Variants in SIPA1L1 observed in about 807,000 individuals in gnomAD.
SIPA1L1 encodes signal induced proliferation associated 1 like 1, also known as signal-induced proliferation-associated 1-like protein 1.
In SIPA1L1, 26 loss-of-function variants were observed where a neutral mutation model predicts 162.7. The ratio of observed to expected loss-of-function variants is 0.16; its 90% CI spans 0.12 to 0.22. SIPA1L1 has a LOEUF of 0.22. Ranked by LOEUF, SIPA1L1 falls within the 10% of genes least tolerant of loss-of-function variation. SIPA1L1 has a pLI of 1.00. For missense variants in SIPA1L1, 1,874 were observed against 2,241.0 expected (o/e 0.84, Z 3.31); for synonymous variants, 829 against 837.4 (o/e 0.99, Z 0.17).
chr14:71,391,549 A>G (rs2040759918), intron 2 of SIPA1L1, among the ~76,000 whole-genome samples: 1 of 152,242 alleles, frequency 6.6e-6, no homozygotes, highest in Admixed American at 6.5e-5. Flanking sequence ...AACAAGAATT[A>G]GGTGTTTTAT....
At chr14:71,468,357 A>G (rs2047188610) in intron 2 of SIPA1L1, among the ~76,000 whole-genome samples, 2 of 152,216 alleles carry the variant, frequency 1.3e-5, no homozygotes, top group Non-Finnish European at 1.5e-5. Flanking sequence ...ACAGTTCTGC[A>G]TGCTGTACAA....
intron 4 of SIPA1L1, among the ~76,000 whole-genome samples, chr14:71,565,089 A>G (rs952930034): frequency 2.0e-5 from 3 of 152,058 alleles, no homozygotes; most frequent in African/African-American, 7.2e-5. Context: ...GCTCTTTTCT[A>G]TTTGTTAATA....
At chr14:71,487,806 A>G (rs1433000788) in intron 2 of SIPA1L1, among the ~76,000 whole-genome samples, 2 of 152,228 alleles carry the variant, frequency 1.3e-5, no homozygotes, top group Non-Finnish European at 2.9e-5. Context: ...ATTATTTGTC[A>G]TTGGAAGACT....
At chr14:71,639,679 A>G (rs2041508954) in intron 7 of SIPA1L1, among the ~76,000 whole-genome samples, 1 of 152,238 alleles carries the variant, frequency 6.6e-6, no homozygotes, top group Admixed American at 6.5e-5. Flanking sequence ...AAGACATGTT[A>G]TATAGCTCCA....
chr14:71,557,028 C>A (rs920268494), intron 4 of SIPA1L1, among the ~76,000 whole-genome samples: 1 of 152,154 alleles, frequency 6.6e-6, no homozygotes, highest in Non-Finnish European at 1.5e-5. Context: ...CTAAAGTACC[C>A]CAGCATTATA....
intron 5 of SIPA1L1, among the ~76,000 whole-genome samples, chr14:71,599,183 A>G (rs904369832): frequency 2.4e-4 from 25 of 103,392 alleles, no homozygotes; most frequent in South Asian, 6.1e-4. Flanking sequence ...GGAGTTTTGC[A>G]CTTGTCTCCC....
At chr14:71,357,786 G>C (rs2037417385) in intron 2 of SIPA1L1, among the ~76,000 whole-genome samples, 1 of 152,188 alleles carries the variant, frequency 6.6e-6, no homozygotes, top group Non-Finnish European at 1.5e-5. Flanking sequence ...GCAGTGCAGT[G>C]GTGCCATCTT....
At chr14:71,387,248 CAAAA>C (rs398025583) in intron 2 of SIPA1L1, among the ~76,000 whole-genome samples, 15 of 53,860 alleles carry the variant, frequency 2.8e-4, no homozygotes, top group African/African-American at 6.4e-4. Context: ...AACTCTGTCT[CAAAA>C]AAAAAAAAAA....
intron 2 of SIPA1L1, among the ~76,000 whole-genome samples, chr14:71,351,989 G>A (rs1369631936): frequency 6.6e-6 from 1 of 150,648 alleles, no homozygotes; most frequent in Non-Finnish European, 1.5e-5. Flanking sequence ...GTGAGATAGT[G>A]TGCTAGGTAT....
At chr14:71,431,075 G>A (rs1236240984) in intron 2 of SIPA1L1, among the ~76,000 whole-genome samples, 1 of 152,110 alleles carries the variant, frequency 6.6e-6, no homozygotes, top group Non-Finnish European at 1.5e-5. Context: ...TTTTGAAAGG[G>A]ACAGTTTCAG....
At chr14:71,321,580 G>C (rs1390883076) in intron 2 of SIPA1L1, 1 of 152,384 alleles carries the variant, frequency 6.6e-6, no homozygotes, top group East Asian at 1.9e-4. Context: ...AGTTGGTTGA[G>C]TTGTGGGAAA....
intron 2 of SIPA1L1, among the ~76,000 whole-genome samples, chr14:71,399,989 T>C (rs1262032798): frequency 1.3e-5 from 2 of 151,918 alleles, no homozygotes; most frequent in Non-Finnish European, 2.9e-5. Flanking sequence ...ACAAAATGTA[T>C]TTTTTGTATT....
intron 2 of SIPA1L1, among the ~76,000 whole-genome samples, chr14:71,425,005 A>G (rs959827176): frequency 1.3e-5 from 2 of 152,012 alleles, no homozygotes; most frequent in Non-Finnish European, 1.5e-5. Context: ...TTGTATTTCT[A>G]GGAATCCATT....
At chr14:71,344,947 A>T (rs931757826) in intron 2 of SIPA1L1, among the ~76,000 whole-genome samples, 6 of 152,178 alleles carry the variant, frequency 3.9e-5, no homozygotes, top group East Asian at 1.9e-4. Context: ...TTGAATTATC[A>T]TGGTGGATTC....
Position 71,389,784 on chromosome 14 carries a change from C to T in SIPA1L1, c.-465+68603C>T, listed in dbSNP as rs558436958. 6.7e-4 allele frequency among the ~76,000 whole-genome samples: 102 copies of T among 152,274 alleles called. 1 individual carries two copies. The highest frequency in any genetic ancestry group is 2.4e-3 in the African/African-American group (99 of 41,566). On this transcript the variant is annotated intron_variant, in intron 2 of 23. Coordinates refer to ENST00000381232, the MANE Select transcript of SIPA1L1 (RefSeq NM_001386936.1). ...CTCACATTTAGTAGAGACTCATCGT[C>T]AGGAGCCCACCCTTTCCTCGGTCTG...
chr14:71,426,261 G>A (rs981590222), intron 2 of SIPA1L1, among the ~76,000 whole-genome samples: 9 of 152,050 alleles, frequency 5.9e-5, no homozygotes, highest in Non-Finnish European at 1.2e-4. Flanking sequence ...TGATAAGGAG[G>A]CACTTTTGTC....
intron 2 of SIPA1L1, among the ~76,000 whole-genome samples, chr14:71,398,146 G>A (rs1311232670): frequency 6.6e-6 from 1 of 151,118 alleles, no homozygotes; most frequent in Non-Finnish European, 1.5e-5. Flanking sequence ...CTCCCGAATG[G>A]CTGGGACTAC....
chr14:71,704,078 T>C (rs1186911483), intron 15 of SIPA1L1, among the ~76,000 whole-genome samples: 1 of 152,206 alleles, frequency 6.6e-6, no homozygotes, highest in Non-Finnish European at 1.5e-5. Flanking sequence ...GTGGTGGCCT[T>C]TCACCATGGG....
intron 12 of SIPA1L1, among the ~76,000 whole-genome samples, chr14:71,675,379 A>C (rs567743379): frequency 3.3e-5 from 5 of 152,128 alleles, no homozygotes; most frequent in African/African-American, 1.2e-4. Context: ...AAAGCCATAC[A>C]GTTTCCATCT....
Sources: allele counts gnomAD v4.1 joint callset (sites outside exome capture counted in the v4.1 genomes callset), GRCh38; gene constraint gnomAD v4.1.1; transcripts MANE v1.5; gene names NCBI Gene and HGNC (gene_info 2026-07-23, HGNC 2026-07-21).